The following BICD1 variants were observed in gnomAD, a reference collection of about 807,000 sequenced individuals.
BICD1 encodes BICD cargo adaptor 1, also known as protein bicaudal D homolog 1.
BICD1 carries 35 observed loss-of-function variants against 92.5 expected under a neutral mutation model. The ratio of observed to expected loss-of-function variants is 0.38; its 90% CI spans 0.29 to 0.50. The LOEUF (loss-of-function observed/expected upper bound fraction) is 0.50. Ranked by LOEUF, BICD1 falls within the 20% of genes least tolerant of loss-of-function variation. The pLI is 0.93. For missense variants in BICD1, 950 were observed against 1,189.8 expected (o/e 0.80, Z 2.97); for synonymous variants, 429 against 465.1 (o/e 0.92, Z 1.00).
At chr12:32,212,891 C>G (rs1043617606) in intron 1 of BICD1, among the ~76,000 whole-genome samples, 4 of 152,130 alleles carry the variant, frequency 2.6e-5, no homozygotes, top group Non-Finnish European at 4.4e-5. Context: ...AAGGCAGAGA[C>G]TACATTTATT....
At chr12:32,122,156 C>G (rs1308227251) in intron 1 of BICD1, among the ~76,000 whole-genome samples, 1 of 151,962 alleles carries the variant, frequency 6.6e-6, no homozygotes, top group East Asian at 1.9e-4. Flanking sequence ...AAGTAGAACC[C>G]TTTCTTAAGG....
intron 2 of BICD1, among the ~76,000 whole-genome samples, chr12:32,282,395 AT>A (rs1192131221): frequency 6.6e-6 from 1 of 151,114 alleles, no homozygotes; most frequent in Non-Finnish European, 1.5e-5. Flanking sequence ...TAATTTTTGT[AT>A]TTTTTGTAGA....
intron 2 of BICD1, among the ~76,000 whole-genome samples, chr12:32,276,296 A>C (rs1191236871): frequency 6.6e-6 from 1 of 152,162 alleles, no homozygotes; most frequent in Non-Finnish European, 1.5e-5. Flanking sequence ...CTGTTAGAGC[A>C]GTCATTGGCC....
At chr12:32,218,419 A>G (rs1465263354) in intron 2 of BICD1, among the ~76,000 whole-genome samples, 1 of 152,264 alleles carries the variant, frequency 6.6e-6, no homozygotes, top group African/African-American at 2.4e-5. Context: ...AGGACCCAAT[A>G]ATTTGCATTT....
Position 32,182,278 on chromosome 12 carries a change from C to CTTTTTTTTTTTTTTTTTTTTTTTTTT in BICD1, c.214-33947_214-33946insTTTTTTTTTTTTTTTTTTTTTTTTTT, listed in dbSNP as rs759328721. ...TTCTTTTTTCTTTCTTTCTTTCTTT[C>CTTTTTTTTTTTTTTTTTTTTTTTTTT]TTTTTTTTTTTTTTTTTTTTTTGAG... On this transcript the variant is annotated intron_variant, in intron 1 of 9. Transcript: ENST00000652176. Among the ~76,000 whole-genome samples, 17 of 81,424 alleles carry CTTTTTTTTTTTTTTTTTTTTTTTTTT rather than the reference C, an allele frequency of 2.1e-4. 1 individual carries two copies. Among genetic ancestry groups the CTTTTTTTTTTTTTTTTTTTTTTTTTT allele is most frequent in the East Asian group, 8.1e-4 (2 of 2,466 alleles). 53.4% of individuals were successfully genotyped at this position (81,424 alleles called of 152,430 possible).
At chr12:32,123,249 G>A (rs1432584962) in intron 1 of BICD1, among the ~76,000 whole-genome samples, 1 of 152,134 alleles carries the variant, frequency 6.6e-6, no homozygotes, top group African/African-American at 2.4e-5. Flanking sequence ...ACTGAGTTAG[G>A]GGGTGAATAG....
At chr12:32,196,219 T>C (rs552425416) in intron 1 of BICD1, among the ~76,000 whole-genome samples, 1 of 152,254 alleles carries the variant, frequency 6.6e-6, no homozygotes, top group African/African-American at 2.4e-5. Flanking sequence ...ACAGGAATTA[T>C]CAAAAAACAG....
At chr12:32,205,267 C>T (rs1187178890) in intron 1 of BICD1, among the ~76,000 whole-genome samples, 1 of 152,140 alleles carries the variant, frequency 6.6e-6, no homozygotes, top group African/African-American at 2.4e-5. Context: ...AGTGTCCCTT[C>T]AACTGAGAAT....
At chr12:32,170,042 A>G (rs1270373446) in intron 1 of BICD1, among the ~76,000 whole-genome samples, 8 of 152,248 alleles carry the variant, frequency 5.3e-5, no homozygotes, top group Non-Finnish European at 1.2e-4. Flanking sequence ...TTCCCCACAC[A>G]GGGCCCACAT....
Position 32,327,966 on chromosome 12 carries a change from C to G in BICD1, c.1511C>G (p.Ala504Gly). The stretch of plus-strand genomic sequence containing the variant: ...GAAAATCACAGTACCCTTAATACGG[C>G]CCAGGATGAGTTAGTGACATTCAGT... ...ANENHSTLNT[A>G]QDELVTFSEE... The change falls in exon 5 of 10, where the codon GCC becomes GGC. Residue 504 changes from alanine (A) to glycine (G), a missense_variant. Physicochemically the swap from Ala to Gly is moderately conservative, Grantham distance 60 (BLOSUM62 0). Transcript: ENST00000652176. 1 of 1,614,066 alleles carries G rather than the reference C, an allele frequency of 6.2e-7. No individual in the cohort carries two copies. The highest frequency in any genetic ancestry group is 8.5e-7 in the Non-Finnish European group (1 of 1,180,012).
intron 4 of BICD1, among the ~76,000 whole-genome samples, chr12:32,310,965 T>C (rs1232205882): frequency 6.6e-6 from 1 of 152,220 alleles, no homozygotes; most frequent in Non-Finnish European, 1.5e-5. Context: ...CCATGATTTA[T>C]GTTTTCCCAT....
At chr12:32,325,147 GTT>G (rs57917790) in intron 4 of BICD1, among the ~76,000 whole-genome samples, 89,154 of 149,946 alleles carry the variant, frequency 0.59, 26,938 homozygotes, top group Middle Eastern at 0.69. Flanking sequence ...CTCCATTTAT[GTT>G]TTTTTTTTTT....
rs976697787 is a variant in BICD1 at position 32,207,242 on chromosome 12, A to T, written c.214-9005A>T. 2.7e-3 allele frequency among the ~76,000 whole-genome samples: 21 copies of T among 7,726 alleles called. No homozygotes were observed. In the East Asian group the frequency reaches 0.38, roughly 141 times the overall value. 5.1% of individuals were successfully genotyped at this position (7,726 alleles called of 152,430 possible). A position where few individuals can be genotyped will look rare whatever the true frequency, so the allele number is the denominator to read the frequency against. On this transcript the variant is annotated intron_variant, in intron 1 of 9. Coordinates refer to ENST00000652176, the MANE Select transcript of BICD1 (RefSeq NM_001714.4). ...TTCAATATGTAACCACAAAATACAA[A>T]AAAACTCTCAACAGTTGACAAGGGA...
At chr12:32,152,048 C>A (rs1943304254) in intron 1 of BICD1, among the ~76,000 whole-genome samples, 1 of 152,098 alleles carries the variant, frequency 6.6e-6, no homozygotes, top group South Asian at 2.1e-4. Flanking sequence ...CCTCTGCCTC[C>A]CGGGTTCACG....
At position 32,127,907 on chromosome 12, in the gene BICD1, C is replaced by CTT. The variant is rs369889963; in HGVS notation, c.213+20376_213+20377dup. 7.8e-4 allele frequency among the ~76,000 whole-genome samples: 112 copies of CTT among 143,720 alleles called. 3 individuals are homozygous for CTT. The highest frequency in any genetic ancestry group is 4.0e-3 in the South Asian group (18 of 4,510). The allele number at this position is 143,720 out of a possible 152,430, so 94.3% of individuals were successfully genotyped here. On this transcript the variant is annotated intron_variant, in intron 1 of 9. Coordinates refer to ENST00000652176, the MANE Select transcript of BICD1 (RefSeq NM_001714.4). ...ATCTTATTGGGGCTGTGATCTAATT[C>CTT]TTTTTTTTTTTTTTGAGACAGACTC...
intron 1 of BICD1, among the ~76,000 whole-genome samples, chr12:32,183,155 C>A (rs1460407158): frequency 6.6e-6 from 1 of 151,944 alleles, no homozygotes; most frequent in South Asian, 2.1e-4. Context: ...CCCTTCTCGG[C>A]CTCCCAAATC....
chr12:32,149,608 G>T (rs1381988259), intron 1 of BICD1, among the ~76,000 whole-genome samples: 2 of 152,198 alleles, frequency 1.3e-5, no homozygotes, highest in African/African-American at 2.4e-5. Flanking sequence ...TTAAAAAGAT[G>T]CAAGTCAGGA....
chr12:32,296,256 GTTTTTTT>G (rs373796519), intron 3 of BICD1, among the ~76,000 whole-genome samples: 1 of 90,194 alleles, frequency 1.1e-5, no homozygotes, highest in Non-Finnish European at 2.4e-5. Context: ...GTTTTTTTTT[GTTTTTTT>G]TTTTTTTTTT....
intron 4 of BICD1, among the ~76,000 whole-genome samples, chr12:32,326,670 C>T (rs1948784139): frequency 6.6e-6 from 1 of 152,130 alleles, no homozygotes; most frequent in Admixed American, 6.6e-5. Context: ...GGCTGACATG[C>T]GCCTAGGCAT....
Sources: gnomAD v4.1 joint callset for allele counts (sites outside exome capture counted in the v4.1 genomes callset) on GRCh38, gnomAD v4.1.1 for gene constraint, MANE v1.5 for transcripts, NCBI Gene and HGNC (gene_info 2026-07-23, HGNC 2026-07-21) for gene names.